Variants in PLA2G4A observed in about 807,000 individuals in gnomAD.
The protein encoded by PLA2G4A is phospholipase A2 group IVA.
Under a neutral mutation model 81.9 loss-of-function variants are expected in PLA2G4A, and 40 were observed. The ratio of observed to expected loss-of-function variants is 0.49; its 90% CI spans 0.38 to 0.64. PLA2G4A has a LOEUF of 0.64. PLA2G4A is among the 30% of genes least tolerant of loss of function. The pLI, the probability that PLA2G4A is intolerant of heterozygous loss-of-function variation, is 0.00. For missense variants in PLA2G4A, 715 were observed against 905.1 expected (o/e 0.79, Z 2.69); for synonymous variants, 302 against 296.9 (o/e 1.02, Z -0.18).
At chr1:186,968,353 G>A (rs1248976413) in intron 15 of PLA2G4A, among the ~76,000 whole-genome samples, 1 of 148,654 alleles carries the variant, frequency 6.7e-6, no homozygotes, top group African/African-American at 2.5e-5. Context: ...CCAGACAACA[G>A]CTGTTAATAT....
At chr1:186,893,319 T>C (rs560936459) in intron 4 of PLA2G4A, among the ~76,000 whole-genome samples, 160 bp downstream of exon 4, 2 of 152,274 alleles carry the variant, frequency 1.3e-5, no homozygotes, top group African/African-American at 4.8e-5. Flanking sequence ...TCAAGTAATA[T>C]GAGTGTCTAT....
At chr1:186,941,810 G>A (rs1209258493) in intron 10 of PLA2G4A, among the ~76,000 whole-genome samples, 1 of 152,106 alleles carries the variant, frequency 6.6e-6, no homozygotes, top group Admixed American at 6.5e-5. Context: ...AAGAAGTTAA[G>A]GCACAAGAGA....
chr1:186,987,767 A>G (rs970288597), intron 17 of PLA2G4A, among the ~76,000 whole-genome samples: 4 of 152,222 alleles, frequency 2.6e-5, no homozygotes, highest in African/African-American at 4.8e-5. Context: ...TCTGGTTACC[A>G]TTAACATGGG....
intron 7 of PLA2G4A, among the ~76,000 whole-genome samples, chr1:186,919,066 CAT>C (rs1655251714): frequency 6.6e-6 from 1 of 152,228 alleles, no homozygotes; most frequent in Non-Finnish European, 1.5e-5. Flanking sequence ...CTTTCTGACA[CAT>C]AGAGTGTAAA....
chr1:186,985,358 TAA>T (rs933342417), intron 17 of PLA2G4A, among the ~76,000 whole-genome samples: 1 of 151,460 alleles, frequency 6.6e-6, no homozygotes, highest in South Asian at 2.1e-4. Flanking sequence ...AGCGCTCGGA[TAA>T]AAAAAAATGC....
chr1:186,951,277 A>G (rs186648251), intron 13 of PLA2G4A, among the ~76,000 whole-genome samples: 32 of 152,240 alleles, frequency 2.1e-4, no homozygotes, highest in African/African-American at 7.7e-4. Flanking sequence ...TTGACAAGGT[A>G]GTTTGCAGTT....
At chr1:186,964,585 A>G (rs1657069802) in intron 14 of PLA2G4A, among the ~76,000 whole-genome samples, 1 of 152,032 alleles carries the variant, frequency 6.6e-6, no homozygotes. Flanking sequence ...CCGTATCATT[A>G]TTCTTATTTC....
At position 186,911,401 on chromosome 1, in the gene PLA2G4A, A is replaced by C; in HGVS notation, c.558+12A>C. ...ATTCTGCACGTGATGTGAGTTGGAA[A>C]TTTTTCAAGTGTTACTATACTTTAA... On this transcript the variant is annotated intron_variant, in intron 7 of 17. Coordinates refer to ENST00000367466, the MANE Select transcript of PLA2G4A (RefSeq NM_024420.3). The C allele has an allele frequency of 6.3e-7, 1 of 1,595,420 alleles. No homozygotes were observed. Among genetic ancestry groups the C allele is most frequent in the Non-Finnish European group, 8.6e-7 (1 of 1,162,900 alleles).
chr1:186,915,608 A>G (rs1297019199), intron 7 of PLA2G4A, among the ~76,000 whole-genome samples: 1 of 152,158 alleles, frequency 6.6e-6, no homozygotes, highest in Non-Finnish European at 1.5e-5. Context: ...AATAGTTTCA[A>G]TAACACAACT....
intron 2 of PLA2G4A, among the ~76,000 whole-genome samples, chr1:186,854,826 C>G (rs763419): frequency 0.18 from 26,641 of 151,652 alleles, 2,841 homozygotes; most frequent in East Asian, 0.52. Flanking sequence ...TAAATAAATT[C>G]TTCTATGGGT....
At chr1:186,969,389 C>T (rs1657261570) in intron 15 of PLA2G4A, among the ~76,000 whole-genome samples, 1 of 151,782 alleles carries the variant, frequency 6.6e-6, no homozygotes, top group African/African-American at 2.4e-5. Context: ...AAGCATTTAT[C>T]ACCTCTTTGT....
At chr1:186,834,311 AAGTT>A (rs1651701333) in intron 1 of PLA2G4A, among the ~76,000 whole-genome samples, 1 of 152,150 alleles carries the variant, frequency 6.6e-6, no homozygotes. Flanking sequence ...AAAACTGTGT[AAGTT>A]AGCAGTACAG....
chr1:186,987,496 G>A (rs886418944), intron 17 of PLA2G4A, among the ~76,000 whole-genome samples: 1 of 152,154 alleles, frequency 6.6e-6, no homozygotes, highest in Non-Finnish European at 1.5e-5. Context: ...CTATCTCATT[G>A]GTCATCGAGA....
At chr1:186,924,714 G>C (rs140886916) in intron 7 of PLA2G4A, among the ~76,000 whole-genome samples, 1 of 151,946 alleles carries the variant, frequency 6.6e-6, no homozygotes, top group Non-Finnish European at 1.5e-5. Context: ...CTGGGATTAT[G>C]GGGTGCATGC....
At position 186,883,237 on chromosome 1, in the gene PLA2G4A, A is replaced by T. The variant is rs1053611287; in HGVS notation, c.116-9774A>T. On this transcript the variant is annotated intron_variant, in intron 3 of 17. Coordinates refer to ENST00000367466, the MANE Select transcript of PLA2G4A (RefSeq NM_024420.3). Reference sequence around the variant, plus strand: ...GTTAAAGAAAATCCAGAACTGATTCAGAGTAACTAAACAGGATTGAACTAT... The same window carrying T: ...GTTAAAGAAAATCCAGAACTGATTCTGAGTAACTAAACAGGATTGAACTAT... 3.0e-4 allele frequency among the ~76,000 whole-genome samples: 45 copies of T among 152,126 alleles called. 1 individual carries two copies. The highest frequency in any genetic ancestry group is 1.1e-3 in the African/African-American group (45 of 41,438).
rs561685552 is a variant in PLA2G4A, at chr1:186,959,796, C to T, written c.1579+3452C>T. Among the ~76,000 whole-genome samples, 19 of 152,168 alleles carry T rather than the reference C, an allele frequency of 1.2e-4. No individual in the cohort carries two copies. The South Asian group carries it at 2.1e-3, about 17-fold the overall frequency. On this transcript the variant is annotated intron_variant, in intron 14 of 17. Transcript: ENST00000367466. ...TGATAATTTTGGTTCATAAGGTCCT[C>T]CTTAAAATTCCTATTTTAAAGAATA...
intron 10 of PLA2G4A, among the ~76,000 whole-genome samples, chr1:186,944,294 T>C (rs939134497): frequency 6.6e-6 from 1 of 152,110 alleles, no homozygotes; most frequent in Non-Finnish European, 1.5e-5. Flanking sequence ...AGTTGAAAAC[T>C]AACACCGTGA....
chr1:186,880,877 G>T (rs1653706505), intron 3 of PLA2G4A, among the ~76,000 whole-genome samples: 1 of 151,928 alleles, frequency 6.6e-6, no homozygotes, highest in African/African-American at 2.4e-5. Flanking sequence ...TATCACAGAA[G>T]TTTAAGTAAA....
chr1:186,959,350 T>TAAACTATCA (rs113682935), intron 14 of PLA2G4A, among the ~76,000 whole-genome samples: 145,679 of 152,078 alleles, frequency 0.96, 69,821 homozygotes, highest in East Asian at 1. Flanking sequence ...TAAGGAAATA[T>TAAACTATCA]ATCATCCCCA....
Sources: allele counts gnomAD v4.1 joint callset (sites outside exome capture counted in the v4.1 genomes callset), GRCh38; gene constraint gnomAD v4.1.1; transcripts MANE v1.5; gene names NCBI Gene and HGNC (gene_info 2026-07-23, HGNC 2026-07-21).